Variants in FUT8 observed in about 807,000 individuals in gnomAD.
FUT8 encodes the protein alpha-(1,6)-fucosyltransferase.
A neutral mutation model predicts 71.3 loss-of-function variants in FUT8; 29 were observed. That is an observed-to-expected ratio of 0.41 (90% CI 0.30 to 0.55). FUT8 has a LOEUF of 0.55. Among genes scored for constraint, FUT8 ranks in the 20% least tolerant of loss-of-function variants. The probability of loss-of-function intolerance (pLI) is 0.34; values close to 1 mark genes in which losing one functional copy is unlikely to be tolerated. For missense variants in FUT8, 544 were observed against 702.1 expected (o/e 0.77, Z 2.55); for synonymous variants, 254 against 239.3 (o/e 1.06, Z -0.57).
At chr14:65,486,372 G>T (rs1359422150) in intron 2 of FUT8, among the ~76,000 whole-genome samples, 2 of 152,212 alleles carry the variant, frequency 1.3e-5, no homozygotes, top group African/African-American at 4.8e-5. Context: ...AGAACGCATT[G>T]TGATGAAATC....
intron 2 of FUT8, among the ~76,000 whole-genome samples, chr14:65,561,013 T>G (rs1248107068): frequency 6.6e-6 from 1 of 152,162 alleles, no homozygotes; most frequent in Non-Finnish European, 1.5e-5. Context: ...TTTTGATTGA[T>G]TGTTCAAAGA....
chr14:65,740,767 A>G (rs1278122959), intron 10 of FUT8, among the ~76,000 whole-genome samples: 6 of 151,838 alleles, frequency 4.0e-5, no homozygotes. Flanking sequence ...ACCATGAGAA[A>G]CCGCCCCCAT....
At chr14:65,366,502 T>G in the FUT8 span, among the ~76,000 whole-genome samples, 1 of 152,136 alleles carries the variant, frequency 6.6e-6, no homozygotes, top group Admixed American at 6.6e-5. Context: ...CACAATGACA[T>G]TATATGTTAT....
chr14:65,369,720 G>T, the FUT8 span, among the ~76,000 whole-genome samples: 2 of 152,118 alleles, frequency 1.3e-5, no homozygotes, highest in Admixed American at 1.3e-4. This position sits in a 1 kb window ranked among gnomAD's most constrained non-coding sequence, Gnocchi z 4.6. Context: ...TACCCTATAT[G>T]GTCTAAAAGG....
rs2300870 is a variant in FUT8 at position 65,676,528 on chromosome 14, C to T, written c.835+7048C>T. 6.8e-3 allele frequency among the ~76,000 whole-genome samples: 1,028 copies of T among 152,260 alleles called. 31 individuals are homozygous for T. In the East Asian group the frequency reaches 0.094, roughly 14 times the overall value. On this transcript the variant is annotated intron_variant, in intron 7 of 10. Transcript: ENST00000673929. ...TTGAGTCGTGTTTGAAACATTCCAG[C>T]GGAGCTAGATTACAAAGTAAATAAT...
the FUT8 span, among the ~76,000 whole-genome samples, chr14:65,365,073 C>G: frequency 1.3e-5 from 2 of 152,150 alleles, no homozygotes; most frequent in African/African-American, 4.8e-5. Flanking sequence ...TTGGCAAGAA[C>G]CTGTTCCAAG....
intron 2 of FUT8, among the ~76,000 whole-genome samples, chr14:65,555,901 T>C (rs1370679259): frequency 6.6e-6 from 1 of 152,232 alleles, no homozygotes; most frequent in Non-Finnish European, 1.5e-5. Flanking sequence ...ATTGTAATTG[T>C]ATCTGTTAAA....
At chr14:65,506,659 T>C (rs531004962) in intron 2 of FUT8, among the ~76,000 whole-genome samples, 2 of 152,338 alleles carry the variant, frequency 1.3e-5, no homozygotes, top group East Asian at 3.9e-4. Context: ...CGCGGGTACA[T>C]AGTAGGTATA....
intron 2 of FUT8, among the ~76,000 whole-genome samples, chr14:65,485,971 A>G (rs1220772478): frequency 2.0e-5 from 3 of 152,076 alleles, no homozygotes; most frequent in African/African-American, 7.2e-5. Flanking sequence ...TTTCTATATT[A>G]TGTCCGTTTT....
At chr14:65,661,267 A>G (rs988131420) in intron 6 of FUT8, among the ~76,000 whole-genome samples, 15 of 152,126 alleles carry the variant, frequency 9.9e-5, no homozygotes, top group Non-Finnish European at 1.9e-4. Context: ...TGAAGACATC[A>G]TGGTGAAATC....
chr14:65,373,320 A>G, the FUT8 span, among the ~76,000 whole-genome samples: 1 of 151,068 alleles, frequency 6.6e-6, no homozygotes. Flanking sequence ...ATGTCCCCCT[A>G]TCCTGTGGCC....
intron 2 of FUT8, among the ~76,000 whole-genome samples, chr14:65,506,626 T>A (rs186475652): frequency 3.6e-4 from 55 of 152,300 alleles, no homozygotes; most frequent in South Asian, 8.3e-4. Flanking sequence ...TTGATTTTTT[T>A]AAAAAAATGT....
At chr14:65,506,627 A>T (rs559995102) in intron 2 of FUT8, among the ~76,000 whole-genome samples, 45 of 151,930 alleles carry the variant, frequency 3.0e-4, no homozygotes, top group East Asian at 7.7e-4. Context: ...TGATTTTTTT[A>T]AAAAAATGTA....
chr14:65,549,614 C>T (rs1885172718), intron 2 of FUT8, among the ~76,000 whole-genome samples: 1 of 152,166 alleles, frequency 6.6e-6, no homozygotes. Flanking sequence ...TTACAGATTT[C>T]CAACTGGCCC....
chr14:65,643,712 A>ACACACACACC lies in FUT8; in HGVS notation c.597+14109_597+14110insACACACCCAC, dbSNP rs1890977085. 7.0e-6 allele frequency among the ~76,000 whole-genome samples: 1 copy of ACACACACACC among 142,288 alleles called. No homozygotes were observed. The highest frequency in any genetic ancestry group is 1.6e-5 in the Non-Finnish European group (1 of 64,066). 93.3% of individuals were successfully genotyped at this position (142,288 alleles called of 152,430 possible). A position where few individuals can be genotyped will look rare whatever the true frequency, so the allele number is the denominator to read the frequency against. ...CACACACACACACACACACACACAC[A>ACACACACACC]CACCAGATTCCATTCTAGATGCTAT... On this transcript the variant is annotated intron_variant, in intron 6 of 10. Coordinates refer to ENST00000673929, the MANE Select transcript of FUT8 (RefSeq NM_001371533.1). This position sits in a 1 kb window ranked among gnomAD's most constrained non-coding sequence, Gnocchi z 4.5.
chr14:65,373,292 G>A, the FUT8 span, among the ~76,000 whole-genome samples: 1 of 151,344 alleles, frequency 6.6e-6, no homozygotes, highest in Non-Finnish European at 1.5e-5. Flanking sequence ...GCACCCAAAT[G>A]TTGCCTTTTG....
At chr14:65,440,420 A>G (rs1369744488) in intron 1 of FUT8, among the ~76,000 whole-genome samples, 34 of 151,962 alleles carry the variant, frequency 2.2e-4, no homozygotes, top group Admixed American at 2.2e-3. Context: ...GGCACAAGCA[A>G]TCTTCCTGCC....
intron 3 of FUT8, among the ~76,000 whole-genome samples, chr14:65,585,715 G>A (rs1887346359): frequency 6.6e-6 from 1 of 152,214 alleles, no homozygotes; most frequent in African/African-American, 2.4e-5. Context: ...AGTGAAGATT[G>A]GAAATTGGTG....
intron 1 of FUT8, among the ~76,000 whole-genome samples, chr14:65,443,066 T>TA (rs773666648): frequency 2.0e-5 from 3 of 152,262 alleles, no homozygotes; most frequent in Admixed American, 6.5e-5. Context: ...TATGGAAACT[T>TA]ACTGTATTAT....
Sources: allele counts gnomAD v4.1 joint callset (sites outside exome capture counted in the v4.1 genomes callset), GRCh38; gene constraint gnomAD v4.1.1; non-coding constraint Gnocchi (gnomAD v3.1); transcripts MANE v1.5; gene names NCBI Gene and HGNC (gene_info 2026-07-23, HGNC 2026-07-21).